The following ADK variants were observed in gnomAD, a reference collection of about 807,000 sequenced individuals.
ADK encodes N6,N6-dimethyladenosine kinase.
ADK carries 24 observed loss-of-function variants against 44.7 expected under a neutral mutation model. The ratio of observed to expected loss-of-function variants is 0.54; its 90% CI spans 0.39 to 0.76. ADK has a LOEUF of 0.76. ADK is among the 30% of genes least tolerant of loss of function. ADK has a pLI of 0.00. For missense variants in ADK, 321 were observed against 425.1 expected, an observed-to-expected ratio of 0.76 and a Z score of 2.15; for synonymous variants, 128 against 142.6, an observed-to-expected ratio of 0.90 and a Z score of 0.73.
At chr10:74,197,471 G>A (rs988541170) in intron 1 of ADK, among the ~76,000 whole-genome samples, 1 of 152,116 alleles carries the variant, frequency 6.6e-6, no homozygotes, top group Admixed American at 6.5e-5. Flanking sequence ...GGCCCAAGGC[G>A]GGTGGATCAT....
intron 4 of ADK, among the ~76,000 whole-genome samples, chr10:74,336,489 A>G (rs1841413777): frequency 6.6e-6 from 1 of 152,100 alleles, no homozygotes; most frequent in African/African-American, 2.4e-5. Context: ...TTACAGGTCA[A>G]TATTTTTTGT....
At chr10:74,405,287 G>A (rs968003462) in intron 6 of ADK, among the ~76,000 whole-genome samples, 1 of 151,768 alleles carries the variant, frequency 6.6e-6, no homozygotes, top group African/African-American at 2.4e-5. Flanking sequence ...TAGGAACCAG[G>A]CCACACAGCA....
intron 7 of ADK, among the ~76,000 whole-genome samples, chr10:74,569,180 T>C (rs1022275026): frequency 6.6e-5 from 10 of 152,202 alleles, no homozygotes; most frequent in Non-Finnish European, 1.3e-4. Flanking sequence ...CTATCATTGT[T>C]GGACATTTGG....
chr10:74,500,475 A>T (rs1203512026), intron 6 of ADK, among the ~76,000 whole-genome samples: 2 of 152,216 alleles, frequency 1.3e-5, no homozygotes, highest in Non-Finnish European at 2.9e-5. Flanking sequence ...CTACCCACAC[A>T]GGTTTCTGAT....
intron 3 of ADK, among the ~76,000 whole-genome samples, chr10:74,282,593 T>C (rs1846983898): frequency 1.3e-5 from 2 of 152,320 alleles, no homozygotes; most frequent in East Asian, 3.9e-4. Context: ...AATTGTTTTG[T>C]TGCTTTTGGA....
chr10:74,161,043 G>C (rs979740790), intron 1 of ADK, among the ~76,000 whole-genome samples: 1 of 152,030 alleles, frequency 6.6e-6, no homozygotes, highest in Non-Finnish European at 1.5e-5. Context: ...TTGACTGTTT[G>C]TACTTTATAC....
intron 7 of ADK, among the ~76,000 whole-genome samples, chr10:74,572,224 G>A (rs957504841): frequency 6.6e-6 from 1 of 152,160 alleles, no homozygotes; most frequent in Non-Finnish European, 1.5e-5. Flanking sequence ...CTCAGCATTT[G>A]CTTGTCTGTA....
At chr10:74,416,408 A>G (rs1339216515) in intron 6 of ADK, among the ~76,000 whole-genome samples, 6 of 152,070 alleles carry the variant, frequency 3.9e-5, no homozygotes, top group African/African-American at 1.2e-4. Context: ...GCACATTCAT[A>G]TTAACTAACA....
At chr10:74,291,430 A>G (rs1847431729) in intron 3 of ADK, among the ~76,000 whole-genome samples, 1 of 152,150 alleles carries the variant, frequency 6.6e-6, no homozygotes, top group African/African-American at 2.4e-5. Context: ...AACAACAACA[A>G]CAACAACAAC....
At position 74,536,121 on chromosome 10, in the gene ADK, T is replaced by C. The variant is rs575755751; in HGVS notation, c.726+10695T>C. On this transcript the variant is annotated intron_variant, in intron 7 of 10. Coordinates refer to ENST00000539909, the MANE Select transcript of ADK (RefSeq NM_006721.4). Reference sequence around the variant, plus strand: ...TATAAAACTGATGATTCATTTTTTTTCCACATTCTAAGATTAATACTGTTA... The same window carrying C: ...TATAAAACTGATGATTCATTTTTTTCCCACATTCTAAGATTAATACTGTTA... Among the ~76,000 whole-genome samples the C allele has an allele frequency of 2.3e-3, 343 of 152,308 alleles. 14 individuals carry two copies. The highest frequency in any genetic ancestry group is 1.5e-3 in the Non-Finnish European group (101 of 68,032).
chr10:74,354,686 A>C (rs1842076595), intron 4 of ADK, among the ~76,000 whole-genome samples: 1 of 152,178 alleles, frequency 6.6e-6, no homozygotes, highest in Non-Finnish European at 1.5e-5. Flanking sequence ...ATGTTCTGCC[A>C]ACCAAGTAAC....
chr10:74,600,249 AT>A (rs1160615250), intron 8 of ADK, 129 bp from the exon 9 acceptor site: 1 of 618,110 alleles, frequency 1.6e-6, no homozygotes, highest in African/African-American at 1.9e-5. Flanking sequence ...GGTTAAAGAA[AT>A]TTTTAATGTC....
At chr10:74,295,675 A>G (rs554258291) in intron 3 of ADK, among the ~76,000 whole-genome samples, 42 of 150,274 alleles carry the variant, frequency 2.8e-4, no homozygotes, top group African/African-American at 3.9e-4. Flanking sequence ...TTTTACTTCT[A>G]TTGGTTTTAT....
At chr10:74,218,711 A>G (rs1409025218) in intron 2 of ADK, among the ~76,000 whole-genome samples, 1 of 152,210 alleles carries the variant, frequency 6.6e-6, no homozygotes, top group Non-Finnish European at 1.5e-5. Flanking sequence ...GGGGGCCAAT[A>G]TTCAACATTC....
chr10:74,162,094 C>G (rs1841915844), intron 1 of ADK, among the ~76,000 whole-genome samples: 1 of 152,164 alleles, frequency 6.6e-6, no homozygotes, highest in Non-Finnish European at 1.5e-5. Flanking sequence ...GATCTTGGCT[C>G]ACTGCAACCC....
intron 1 of ADK, among the ~76,000 whole-genome samples, chr10:74,170,947 A>C (rs1458191739): frequency 6.6e-6 from 1 of 152,156 alleles, no homozygotes; most frequent in African/African-American, 2.4e-5. Context: ...GATAACTAAT[A>C]ACATTTAGGT....
At chr10:74,529,032 A>G (rs1030485985) in intron 7 of ADK, among the ~76,000 whole-genome samples, 26 of 152,178 alleles carry the variant, frequency 1.7e-4, no homozygotes, top group African/African-American at 6.3e-4. Context: ...ACCCAAAATA[A>G]CTGAAAGCAG....
At chr10:74,656,747 A>G (rs1296489491) in intron 9 of ADK, among the ~76,000 whole-genome samples, 1 of 152,240 alleles carries the variant, frequency 6.6e-6, no homozygotes, top group Non-Finnish European at 1.5e-5. Flanking sequence ...CTCCTTGCAC[A>G]AGGCCAGAAC....
intron 3 of ADK, among the ~76,000 whole-genome samples, chr10:74,259,758 A>G (rs1236221565): frequency 6.6e-6 from 1 of 151,650 alleles, no homozygotes; most frequent in East Asian, 1.9e-4. Context: ...TGCCCGGCCC[A>G]TTTTTCTCAA....
Sources: gnomAD v4.1 joint callset for allele counts (sites outside exome capture counted in the v4.1 genomes callset) on GRCh38, gnomAD v4.1.1 for gene constraint, MANE v1.5 for transcripts, NCBI Gene and HGNC (gene_info 2026-07-23, HGNC 2026-07-21) for gene names.